GRM4: variants seen among roughly 807,000 people sequenced by gnomAD.
GRM4 encodes metabotropic glutamate receptor 4.
Under a neutral mutation model 81.7 loss-of-function variants are expected in GRM4, and 28 were observed. The ratio of observed to expected loss-of-function variants is 0.34; its 90% CI spans 0.25 to 0.47. The LOEUF (loss-of-function observed/expected upper bound fraction) is 0.47, where lower values mean the gene tolerates loss of function less well. Among genes scored for constraint, GRM4 ranks in the 20% least tolerant of loss-of-function variants. GRM4 has a pLI of 1.00. For synonymous variants in GRM4, 488 were observed against 528.8 expected (o/e 0.92, Z 1.06); for missense variants, 948 against 1,290.0 (o/e 0.73, Z 4.06).
At chr6:34,103,697 C>T (rs763036758) in intron 2 of GRM4, 4 of 1,528,204 alleles carry the variant, frequency 2.6e-6, no homozygotes, top group Non-Finnish European at 3.5e-6. Flanking sequence ...AGGGGCACAG[C>T]CATGCCCCCT....
At chr6:34,142,821 A>C (rs1417028710) in intron 1 of GRM4, among the ~76,000 whole-genome samples, 3 of 151,704 alleles carry the variant, frequency 2.0e-5, no homozygotes, top group Non-Finnish European at 4.4e-5. Context: ...GGGAGGAGGG[A>C]GGAGGGGGGG....
chr6:34,078,119 T>C lies in GRM4; in HGVS notation c.736+13764A>G, dbSNP rs1407618718. On this transcript the variant is annotated intron_variant, in intron 3 of 10. Transcript: ENST00000538487. This position sits in a 1 kb window ranked among gnomAD's most constrained non-coding sequence, Gnocchi z 4.8. ...TGACATCCATCTATGAAGCCAACAATAGGGATGAAAGAATGAACAAATGAA... is the reference window on the plus strand; with the variant it reads ...TGACATCCATCTATGAAGCCAACAACAGGGATGAAAGAATGAACAAATGAA... Among the ~76,000 whole-genome samples, 3 of 152,124 alleles carry C rather than the reference T, an allele frequency of 2.0e-5. No homozygotes were observed. The highest frequency in any genetic ancestry group is 4.1e-4 in the South Asian group (2 of 4,824).
chr6:34,053,986 A>G (rs1419160342), intron 6 of GRM4, among the ~76,000 whole-genome samples: 1 of 151,860 alleles, frequency 6.6e-6, no homozygotes, highest in Non-Finnish European at 1.5e-5. Flanking sequence ...ACTCTAACGC[A>G]CCTCCAGGCT....
In GRM4 at chr6:34,061,833, C is replaced by G. The variant is rs565263293; in HGVS notation, c.872+60G>C. The G allele has an allele frequency of 4.5e-4, 702 of 1,553,744 alleles. 4 individuals carry two copies. In the South Asian group the frequency reaches 8.0e-3, roughly 18 times the overall value. On this transcript the variant is annotated intron_variant, in intron 4 of 10. Transcript: ENST00000538487. ...GGAAGGTCTCCAGCAGGACAGGACCCGTGGCTTTGCCCACACCTGCATGGC... is the reference window on the plus strand; with the variant it reads ...GGAAGGTCTCCAGCAGGACAGGACCGGTGGCTTTGCCCACACCTGCATGGC...
In GRM4 at chr6:34,064,268, G is replaced by A. The variant is rs369630931; in HGVS notation, c.737-2240C>T. Among the ~76,000 whole-genome samples the A allele has an allele frequency of 3.9e-5, 6 of 152,144 alleles. No homozygotes were observed. Among genetic ancestry groups the A allele is most frequent in the African/African-American group, 1.4e-4 (6 of 41,438 alleles). ...CATTTATGGAGTGTCCAATGCATGG[G>A]AAATGCTATTCTGCAAATTTTACAT... On this transcript the variant is annotated intron_variant, in intron 3 of 10. Transcript: ENST00000538487. This position sits in a 1 kb window ranked among gnomAD's most constrained non-coding sequence, Gnocchi z 4.4.
intron 6 of GRM4, among the ~76,000 whole-genome samples, chr6:34,044,338 A>T (rs977038237): frequency 6.7e-6 from 1 of 149,740 alleles, no homozygotes; most frequent in Admixed American, 6.6e-5. Context: ...ACACACAGAC[A>T]TACATACATA....
intron 2 of GRM4, among the ~76,000 whole-genome samples, chr6:34,125,156 G>T (rs1769974183): frequency 6.6e-6 from 1 of 152,166 alleles, no homozygotes; most frequent in Non-Finnish European, 1.5e-5. Flanking sequence ...TGTATTTTTA[G>T]TAGAGATAGG....
chr6:34,154,545 G>A (rs963894804), intron 1 of GRM4, among the ~76,000 whole-genome samples: 2 of 151,254 alleles, frequency 1.3e-5, no homozygotes, highest in African/African-American at 2.4e-5. Context: ...GTGGGTGGTC[G>A]GATGGACAGA....
intron 6 of GRM4, among the ~76,000 whole-genome samples, chr6:34,045,142 C>T (rs552418817): frequency 2.2e-4 from 33 of 152,278 alleles, no homozygotes; most frequent in African/African-American, 7.2e-4. Flanking sequence ...GGCGGGGTAG[C>T]GGGGCATGTA....
In GRM4 at chr6:34,042,681, C is replaced by T. The variant is rs1418063167; in HGVS notation, c.1169-1933G>A. On this transcript the variant is annotated intron_variant, in intron 6 of 10. Transcript: ENST00000538487. The surrounding 1 kb of genome is among the most constrained non-coding windows in gnomAD (Gnocchi z 4.2). ...GGTGCACACCTGCACCTGTGTCCTG[C>T]CCCCATAGGCCAGGGTTAAGCTGGG... is the stretch of plus-strand genomic sequence containing the variant. 6.6e-6 allele frequency among the ~76,000 whole-genome samples: 1 copy of T among 152,186 alleles called. No homozygotes were observed. The highest frequency in any genetic ancestry group is 1.5e-5 in the Non-Finnish European group (1 of 68,016).
chr6:34,146,118 T>C (rs562306904), upstream of GRM4: 2 of 985,410 alleles, frequency 2.0e-6, no homozygotes, highest in Non-Finnish European at 2.4e-6. Context: ...GGCGCGCTAC[T>C]CCCACCCTGG....
rs1769399086 is a variant in GRM4, at chr6:34,111,914, T to C, written c.520-19815A>G. 1.3e-5 allele frequency among the ~76,000 whole-genome samples: 2 copies of C among 152,128 alleles called. No homozygotes were observed. The highest frequency in any genetic ancestry group is 2.4e-5 in the African/African-American group (1 of 41,420). ...CACCCCCACCTGTTCCATTTCCTGA[T>C]TGTCCAGATCTTATTGAGGTTTCTC... On this transcript the variant is annotated intron_variant, in intron 2 of 10. Transcript: ENST00000538487. This position sits in a 1 kb window ranked among gnomAD's most constrained non-coding sequence, Gnocchi z 5.1.
At chr6:34,075,191 C>T (rs987179207) in intron 3 of GRM4, among the ~76,000 whole-genome samples, 1 of 152,216 alleles carries the variant, frequency 6.6e-6, no homozygotes, top group African/African-American at 2.4e-5. Flanking sequence ...AAGGCCGGGA[C>T]ACTGTGGAGT....
At chr6:34,120,384 C>T (rs1769762944) in intron 2 of GRM4, among the ~76,000 whole-genome samples, 1 of 152,146 alleles carries the variant, frequency 6.6e-6, no homozygotes, top group Admixed American at 6.5e-5. Context: ...GCAAGGAAGG[C>T]AGGTGAGGGC....
intron 2 of GRM4, among the ~76,000 whole-genome samples, chr6:34,124,581 T>C (rs768696326): frequency 3.3e-5 from 5 of 152,218 alleles, no homozygotes; most frequent in African/African-American, 4.8e-5. Context: ...GGAATGCACC[T>C]GTCATCACTC....
chr6:34,076,074 C>A (rs1767297799), intron 3 of GRM4, among the ~76,000 whole-genome samples: 1 of 152,212 alleles, frequency 6.6e-6, no homozygotes, highest in Non-Finnish European at 1.5e-5. Flanking sequence ...AGCAGTTGGG[C>A]CTGGCCAGGG....
chr6:34,069,555 C>A lies in GRM4; in HGVS notation c.737-7527G>T, dbSNP rs1007165115. ...TAGTTCCCGTCACCTGTCACCCCTG[C>A]CCCATCTGCTCCTGCGTGTGACCCC... On this transcript the variant is annotated intron_variant, in intron 3 of 10. Transcript: ENST00000538487. This position sits in a 1 kb window ranked among gnomAD's most constrained non-coding sequence, Gnocchi z 6.4. 1.3e-5 allele frequency among the ~76,000 whole-genome samples: 2 copies of A among 152,138 alleles called. No homozygotes were observed. Among genetic ancestry groups the A allele is most frequent in the African/African-American group, 4.8e-5 (2 of 41,408 alleles).
chr6:34,023,049 C>G (rs955044652), intron 10 of GRM4, among the ~76,000 whole-genome samples, 179 bp from the exon 11 acceptor site: 5 of 152,254 alleles, frequency 3.3e-5, no homozygotes, highest in Non-Finnish European at 7.3e-5. Context: ...CTGGCCCACC[C>G]GGTTGCTTCT....
Position 34,069,569 on chromosome 6 carries a change from G to C in GRM4, c.737-7541C>G, listed in dbSNP as rs1766683737. On this transcript the variant is annotated intron_variant, in intron 3 of 10. Coordinates refer to ENST00000538487, the MANE Select transcript of GRM4 (RefSeq NM_000841.4). The surrounding 1 kb of genome is among the most constrained non-coding windows in gnomAD (Gnocchi z 6.4). ...TGTCACCCCTGCCCCATCTGCTCCT[G>C]CGTGTGACCCCGCTCCCCAGCTCAT... 6.6e-6 allele frequency among the ~76,000 whole-genome samples: 1 copy of C among 152,068 alleles called. No individual in the cohort carries two copies. Among genetic ancestry groups the C allele is most frequent in the South Asian group, 2.1e-4 (1 of 4,830 alleles).
Sources: allele counts gnomAD v4.1 joint callset (sites outside exome capture counted in the v4.1 genomes callset), GRCh38; gene constraint gnomAD v4.1.1; non-coding constraint Gnocchi (gnomAD v3.1); transcripts MANE v1.5; gene names NCBI Gene and HGNC (gene_info 2026-07-23, HGNC 2026-07-21).